The following MGRN1 variants were observed in gnomAD, a reference collection of about 807,000 sequenced individuals.
The protein encoded by MGRN1 is mahogunin ring finger 1.
A neutral mutation model predicts 69.2 loss-of-function variants in MGRN1; 29 were observed. The ratio of observed to expected loss-of-function variants is 0.42; its 90% CI spans 0.31 to 0.57. MGRN1 has a LOEUF of 0.57. Among genes scored for constraint, MGRN1 ranks in the 20% least tolerant of loss-of-function variants. The probability of loss-of-function intolerance (pLI) is 0.15; values close to 1 mark genes in which losing one functional copy is unlikely to be tolerated. For missense variants in MGRN1, 998 were observed against 796.2 expected, an observed-to-expected ratio of 1.25 and a Z score of -3.05; for synonymous variants, 470 against 344.2, an observed-to-expected ratio of 1.37 and a Z score of -4.04.
At chr16:4,639,399 A>G (rs2078108391) in intron 1 of MGRN1, among the ~76,000 whole-genome samples, 1 of 152,094 alleles carries the variant, frequency 6.6e-6, no homozygotes, top group Non-Finnish European at 1.5e-5. Context: ...TGGGCAGGGC[A>G]TGTGGAATCA....
intron 4 of MGRN1, among the ~76,000 whole-genome samples, chr16:4,655,610 C>T (rs895636054): frequency 9.9e-5 from 15 of 152,212 alleles, no homozygotes; most frequent in Admixed American, 2.6e-4. Flanking sequence ...GCCTGCTTCC[C>T]CTCCCAGCAG....
chr16:4,664,860 G>A, intron 6 of MGRN1, 85 bp downstream of exon 6: 1 of 1,543,410 alleles, frequency 6.5e-7, no homozygotes, highest in Non-Finnish European at 9.0e-7. Context: ...TTGCAGCAGT[G>A]ATGAAGCAGG....
chr16:4,632,155 T>G (rs2141826602), intron 1 of MGRN1, among the ~76,000 whole-genome samples: 1 of 151,536 alleles, frequency 6.6e-6, no homozygotes, highest in East Asian at 1.9e-4. Context: ...TTGCTGGGAC[T>G]ACAGGTGCAT....
chr16:4,658,131 C>G (rs890186608), intron 5 of MGRN1, among the ~76,000 whole-genome samples: 4 of 152,108 alleles, frequency 2.6e-5, no homozygotes, highest in Admixed American at 1.3e-4. Context: ...CCCTCTCCAG[C>G]TTTTAGTCAA....
chr16:4,664,634 T>C, intron 5 of MGRN1, 75 bp from the exon 6 acceptor site: 2 of 1,474,718 alleles, frequency 1.4e-6, no homozygotes, highest in East Asian at 2.3e-5. Context: ...TTTGTCCAGC[T>C]CATTTGTTGA....
rs1041097217 is a variant in MGRN1 at position 4,645,114 on chromosome 16, C to T, written c.89-5251C>T. Among the ~76,000 whole-genome samples the T allele has an allele frequency of 1.0e-4, 13 of 125,488 alleles. No homozygotes were observed. In the Admixed American group the frequency reaches 1.2e-3, roughly 11 times the overall value. The allele number at this position is 125,488 out of a possible 152,430, so 82.3% of individuals were successfully genotyped here. A position where few individuals can be genotyped will look rare whatever the true frequency, so the allele number is the denominator to read the frequency against. On this transcript the variant is annotated intron_variant, in intron 1 of 16. Coordinates refer to ENST00000262370, the MANE Select transcript of MGRN1 (RefSeq NM_015246.4). ...CTGAAGTTATTTATATGTATATATG[C>T]GTGTGCATATATATATAGAGTGAGA...
intron 1 of MGRN1, chr16:4,649,047 G>A (rs544550835): frequency 1.6e-4 from 25 of 153,576 alleles, no homozygotes; most frequent in South Asian, 5.9e-4. Context: ...GGCTGTGAGC[G>A]CAGGTCTCTG....
chr16:4,666,266 C>G (rs1405000643), intron 7 of MGRN1, among the ~76,000 whole-genome samples: 1 of 152,112 alleles, frequency 6.6e-6, no homozygotes, highest in Non-Finnish European at 1.5e-5. Context: ...GTAGCTGGGA[C>G]TATAGGCATG....
At chr16:4,631,843 G>C (rs949485971) in intron 1 of MGRN1, among the ~76,000 whole-genome samples, 2 of 151,598 alleles carry the variant, frequency 1.3e-5, no homozygotes, top group Non-Finnish European at 2.9e-5. Flanking sequence ...TTACAGTGCT[G>C]ACTCTGGGAA....
chr16:4,656,159 A>C (rs918272692), intron 4 of MGRN1, among the ~76,000 whole-genome samples: 2 of 152,228 alleles, frequency 1.3e-5, no homozygotes, highest in African/African-American at 4.8e-5. Flanking sequence ...GGGTTCCTGC[A>C]TGGAGTTTTA....
intron 5 of MGRN1, chr16:4,664,488 G>A (rs1368430480): frequency 1.9e-5 from 11 of 590,014 alleles, no homozygotes; most frequent in African/African-American, 7.5e-5. Context: ...CTGTTGAAAC[G>A]TAGTTAAAAT....
intron 1 of MGRN1, among the ~76,000 whole-genome samples, chr16:4,625,769 T>C (rs1897647659): frequency 6.6e-6 from 1 of 152,328 alleles, no homozygotes; most frequent in Non-Finnish European, 1.5e-5. Context: ...TCTGCCTCTA[T>C]TGATGAGTTA....
intron 1 of MGRN1, among the ~76,000 whole-genome samples, chr16:4,629,147 C>CGCATGT (rs1897854294): frequency 1.6e-4 from 8 of 48,652 alleles, no homozygotes; most frequent in African/African-American, 6.2e-4. Context: ...GCTTTCTGTT[C>CGCATGT]GTATGTGTGT....
intron 1 of MGRN1, among the ~76,000 whole-genome samples, chr16:4,637,777 G>C (rs1025305957): frequency 2.0e-5 from 3 of 152,214 alleles, no homozygotes; most frequent in Non-Finnish European, 2.9e-5. Flanking sequence ...CGTCGTCCCT[G>C]GTCCCATTCC....
At chr16:4,627,775 G>A (rs1384869571) in intron 1 of MGRN1, among the ~76,000 whole-genome samples, 1 of 147,244 alleles carries the variant, frequency 6.8e-6, no homozygotes. Context: ...GGGTGACAGA[G>A]CGAGACTCCG....
intron 7 of MGRN1, among the ~76,000 whole-genome samples, chr16:4,667,899 C>T (rs1379757147): frequency 6.6e-6 from 1 of 152,118 alleles, no homozygotes; most frequent in Non-Finnish European, 1.5e-5. Context: ...ATTCTTGCTG[C>T]CAGGTGATAC....
chr16:4,630,354 C>CA (rs112834942), intron 1 of MGRN1, among the ~76,000 whole-genome samples: 29,663 of 118,002 alleles, frequency 0.25, 3,491 homozygotes, highest in Middle Eastern at 0.37. Context: ...GACGCCGTCT[C>CA]AAAAAAAAAA....
chr16:4,628,558 T>G (rs903454421), intron 1 of MGRN1, among the ~76,000 whole-genome samples: 1 of 152,144 alleles, frequency 6.6e-6, no homozygotes, highest in African/African-American at 2.4e-5. Flanking sequence ...CTTTCTTTTT[T>G]CTTTGAGATG....
At chr16:4,656,926 TAAAC>T (rs1276434426) in intron 4 of MGRN1, among the ~76,000 whole-genome samples, 3 of 121,940 alleles carry the variant, frequency 2.5e-5, no homozygotes, top group Admixed American at 8.3e-5. Flanking sequence ...AATAAATAAA[TAAAC>T]AAACCAACTT....
Sources: allele counts gnomAD v4.1 joint callset (sites outside exome capture counted in the v4.1 genomes callset), GRCh38; gene constraint gnomAD v4.1.1; transcripts MANE v1.5; gene names NCBI Gene and HGNC (gene_info 2026-07-23, HGNC 2026-07-21).